Variants in NBAS observed in about 807,000 individuals in gnomAD.
The protein encoded by NBAS is NBAS subunit of NRZ tethering complex.
In NBAS, 219 loss-of-function variants were observed where a neutral mutation model predicts 302.5. The ratio of observed to expected loss-of-function variants is 0.72; its 90% CI spans 0.65 to 0.81. The LOEUF is 0.81. Ranked by LOEUF, NBAS falls within the 30% of genes least tolerant of loss-of-function variation. The pLI is 0.00. For missense variants in NBAS, 2,932 were observed against 2,841.6 expected (o/e 1.03, Z -0.72); for synonymous variants, 1,118 against 1,021.6 (o/e 1.09, Z -1.80).
chr2:14,815,959 A>G, the NBAS span, among the ~76,000 whole-genome samples: 1 of 152,196 alleles, frequency 6.6e-6, no homozygotes, highest in Non-Finnish European at 1.5e-5. Context: ...ATCCCAATCT[A>G]GCCCCCCTTT....
At chr2:15,416,083 A>AAGAG (rs1349807079) in intron 24 of NBAS, among the ~76,000 whole-genome samples, 152 of 150,198 alleles carry the variant, frequency 1.0e-3, no homozygotes, top group African/African-American at 3.7e-3. Flanking sequence ...CATACGCAAA[A>AAGAG]ACAGAGAGAG....
chr2:14,792,072 C>T, the NBAS span, among the ~76,000 whole-genome samples: 1 of 151,994 alleles, frequency 6.6e-6, no homozygotes, highest in African/African-American at 2.4e-5. Flanking sequence ...CTGGGAAAAC[C>T]ACTCCCACCC....
At chr2:14,966,414 G>A in the NBAS span, among the ~76,000 whole-genome samples, 1 of 152,148 alleles carries the variant, frequency 6.6e-6, no homozygotes, top group Non-Finnish European at 1.5e-5. Context: ...AGTATATGCA[G>A]AGGATTGGTT....
the NBAS span, among the ~76,000 whole-genome samples, chr2:14,872,289 A>G: frequency 6.6e-6 from 1 of 152,210 alleles, no homozygotes; most frequent in Non-Finnish European, 1.5e-5. Context: ...TTCCTTCAAC[A>G]ATTGATAGAA....
intron 44 of NBAS, among the ~76,000 whole-genome samples, chr2:15,260,672 T>C (rs564940944): frequency 6.6e-6 from 1 of 152,318 alleles, no homozygotes; most frequent in African/African-American, 2.4e-5. Context: ...AACACTCCTA[T>C]GCTGTCTTAT....
At chr2:15,044,130 CTT>C in the NBAS span, among the ~76,000 whole-genome samples, 63 of 149,384 alleles carry the variant, frequency 4.2e-4, 1 homozygote, top group East Asian at 5.9e-4. Flanking sequence ...AACTTAAAAA[CTT>C]TTTTTTTTTT....
At position 15,330,680 on chromosome 2, in the gene NBAS, G is replaced by C; in HGVS notation, c.4265C>G (p.Thr1422Arg). Residue 1422 changes from threonine to arginine, a missense_variant, in exon 36 of 52, where the codon ACA becomes AGA. Transcript: ENST00000281513. ...CTGCAGCACCGCTTTGGTGGTGGTT[G>C]TGGTGTTGGAAAGGACTTTCATGGT... ...ATTMKVLSNTTTTTKAVLQAV... is the reference protein window; with the variant it reads ...ATTMKVLSNTRTTTKAVLQAV... 1 of 1,614,126 alleles carries C rather than the reference G, an allele frequency of 6.2e-7. No homozygotes were observed. Among genetic ancestry groups the C allele is most frequent in the Non-Finnish European group, 8.5e-7 (1 of 1,179,984 alleles).
At position 15,299,612 on chromosome 2, in the gene NBAS, C is replaced by A. The variant is rs189844321; in HGVS notation, c.4798-6846G>T. Reference sequence around the variant, plus strand: ...CCATAAAATTCTGAATGTCATCCCCCGCTGAGTTTGCTTCCCTAGTCTATA... The same window carrying A: ...CCATAAAATTCTGAATGTCATCCCCAGCTGAGTTTGCTTCCCTAGTCTATA... On this transcript the variant is annotated intron_variant, in intron 40 of 51. Transcript: ENST00000281513. Among the ~76,000 whole-genome samples, 70 of 152,272 alleles carry A rather than the reference C, an allele frequency of 4.6e-4. No individual in the cohort carries two copies. In the East Asian group the frequency reaches 0.012, roughly 26 times the overall value.
At chr2:15,062,706 ACT>A in the NBAS span, among the ~76,000 whole-genome samples, 10 of 152,262 alleles carry the variant, frequency 6.6e-5, no homozygotes, top group East Asian at 1.9e-3. Flanking sequence ...TGACACCTAA[ACT>A]CTGATTAACA....
At chr2:15,443,140 C>A (rs1028292297) in intron 21 of NBAS, among the ~76,000 whole-genome samples, 9 of 152,102 alleles carry the variant, frequency 5.9e-5, no homozygotes, top group Non-Finnish European at 8.8e-5. Flanking sequence ...GGAATCCTCC[C>A]TAACTCATTT....
At chr2:15,221,691 A>T (rs568506975) in intron 47 of NBAS, among the ~76,000 whole-genome samples, 10 of 152,348 alleles carry the variant, frequency 6.6e-5, no homozygotes, top group Non-Finnish European at 7.3e-5. Flanking sequence ...ATATAAATGC[A>T]AGTGTGGGAA....
chr2:15,263,570 T>C (rs192382387), intron 44 of NBAS, among the ~76,000 whole-genome samples: 1 of 152,324 alleles, frequency 6.6e-6, no homozygotes, highest in East Asian at 1.9e-4. Flanking sequence ...TTATACCATA[T>C]TATTTAAAAT....
chr2:15,549,511 T>A (rs1326969144), intron 6 of NBAS, among the ~76,000 whole-genome samples: 2 of 151,970 alleles, frequency 1.3e-5, no homozygotes, highest in Non-Finnish European at 2.9e-5. Context: ...GGAGGATCAC[T>A]TGAGCCCATG....
In NBAS at chr2:15,488,971, T is replaced by G; in HGVS notation, c.1006A>C (p.Ile336Leu). 6.2e-7 allele frequency: 1 copy of G among 1,613,912 alleles called. No homozygotes were observed. The highest frequency in any genetic ancestry group is 2.2e-5 in the East Asian group (1 of 44,852). ...ATGCTCAGTTTCCCTGAGAAGTGAA[T>G]GGCTGCCAGGAGCATCCCATCTGGA... ...LSPDGMLLAA[I>L]HFSGKLSIWA... The change falls in exon 12 of 52, where the codon ATT (isoleucine) becomes CTT (leucine). Residue 336 changes from isoleucine to leucine, a missense_variant. Coordinates refer to ENST00000281513, the MANE Select transcript of NBAS (RefSeq NM_015909.4).
At chr2:14,930,505 AG>A in the NBAS span, among the ~76,000 whole-genome samples, 2 of 152,222 alleles carry the variant, frequency 1.3e-5, no homozygotes, top group Non-Finnish European at 2.9e-5. Flanking sequence ...TCCAAGGTCA[AG>A]GAAATGATAT....
the NBAS span, among the ~76,000 whole-genome samples, chr2:15,158,222 G>GA: frequency 3.3e-4 from 51 of 152,320 alleles, 1 homozygote; most frequent in South Asian, 0.011. Flanking sequence ...GCTCCACGGT[G>GA]AACAGACAGC....
chr2:15,106,139 T>C, the NBAS span, among the ~76,000 whole-genome samples: 1 of 152,170 alleles, frequency 6.6e-6, no homozygotes, highest in Non-Finnish European at 1.5e-5. Flanking sequence ...AATCAAATGC[T>C]GAACATGAAT....
the NBAS span, among the ~76,000 whole-genome samples, chr2:15,116,409 C>CAGAGAGAGAG: frequency 4.0e-5 from 6 of 150,010 alleles, no homozygotes; most frequent in African/African-American, 9.8e-5. Flanking sequence ...CCCCACATGG[C>CAGAGAGAGAG]AGAGAGAGAG....
the NBAS span, among the ~76,000 whole-genome samples, chr2:15,046,237 G>T: frequency 6.6e-6 from 1 of 152,132 alleles, no homozygotes; most frequent in South Asian, 2.1e-4. Flanking sequence ...GGTGGAAGCT[G>T]GATTCAGTAT....
Sources: allele counts gnomAD v4.1 joint callset (sites outside exome capture counted in the v4.1 genomes callset), GRCh38; gene constraint gnomAD v4.1.1; transcripts MANE v1.5; gene names NCBI Gene and HGNC (gene_info 2026-07-23, HGNC 2026-07-21).